TRAPPC12: variants seen among roughly 807,000 people sequenced by gnomAD.
TRAPPC12 encodes the protein TPR repeat protein 15.
A neutral mutation model predicts 69.2 loss-of-function variants in TRAPPC12; 61 were observed. The ratio of observed to expected loss-of-function variants is 0.88; its 90% CI spans 0.72 to 1.09. The LOEUF (loss-of-function observed/expected upper bound fraction) is 1.09, where lower values mean the gene tolerates loss of function less well. Among genes scored for constraint, TRAPPC12 ranks in the 50% least tolerant of loss-of-function variants. The pLI, the probability that TRAPPC12 is intolerant of heterozygous loss-of-function variation, is 0.00. For synonymous variants in TRAPPC12, 469 were observed against 438.9 expected, an observed-to-expected ratio of 1.07 and a Z score of -0.86; for missense variants, 1,101 against 1,016.4, an observed-to-expected ratio of 1.08 and a Z score of -1.13.
intron 1 of TRAPPC12, among the ~76,000 whole-genome samples, chr2:3,383,253 T>C (rs1660307533): frequency 6.6e-6 from 1 of 152,220 alleles, no homozygotes; most frequent in Non-Finnish European, 1.5e-5. Flanking sequence ...CTTTCCATTT[T>C]AATATAGCAG....
At chr2:3,478,650 T>A in intron 10 of TRAPPC12, 196 bp from the exon 11 acceptor site, 5 of 531,286 alleles carry the variant, frequency 9.4e-6, no homozygotes, top group Non-Finnish European at 1.7e-5. Flanking sequence ...TAAAAATAAA[T>A]AAAAACTAGA....
At chr2:3,466,409 C>T (rs767012654) in intron 9 of TRAPPC12, 40 of 470,920 alleles carry the variant, frequency 8.5e-5, no homozygotes, top group Admixed American at 2.8e-4. Flanking sequence ...CCAGGCCCTG[C>T]GCTGAGCATT....
intron 8 of TRAPPC12, among the ~76,000 whole-genome samples, chr2:3,464,140 ACACACACACATGCT>A (rs1356194981): frequency 2.0e-5 from 3 of 150,876 alleles, no homozygotes; most frequent in Non-Finnish European, 4.4e-5. Context: ...ACACACGTCC[ACACACACACATGCT>A]CACACACACG....
At chr2:3,400,519 A>G (rs1193270278) in intron 2 of TRAPPC12, among the ~76,000 whole-genome samples, 5 of 151,980 alleles carry the variant, frequency 3.3e-5, no homozygotes, top group African/African-American at 1.2e-4. Flanking sequence ...GCCCCTTCCC[A>G]GGTGCCTTTC....
chr2:3,428,606 C>T (rs1164990920), intron 5 of TRAPPC12, among the ~76,000 whole-genome samples: 2 of 152,158 alleles, frequency 1.3e-5, no homozygotes, highest in African/African-American at 4.8e-5. Context: ...AAAATTCATC[C>T]AAGAAAGGAA....
chr2:3,427,162 G>A (rs186166208), intron 5 of TRAPPC12, among the ~76,000 whole-genome samples: 67 of 152,222 alleles, frequency 4.4e-4, no homozygotes, highest in African/African-American at 1.5e-3. Context: ...TTTCTTACAC[G>A]GATCAGCCTT....
chr2:3,388,526 C>T lies in TRAPPC12; in HGVS notation c.903C>T (p.Ser301=), dbSNP rs753525355. ...DDPFATALSM[S]EMDRRNDAWL... ...CCTTTGCCACCGCCCTGAGCATGAG[C>T]GAGATGGACCGGAGGAACGACGCCT... is the stretch of plus-strand genomic sequence containing the variant. The change falls in exon 2 of 12, where the codon AGC becomes AGT. Residue 301 remains serine, a synonymous_variant. Coordinates refer to ENST00000324266, the MANE Select transcript of TRAPPC12 (RefSeq NM_016030.6). 2.5e-6 allele frequency: 4 copies of T among 1,613,058 alleles called. No homozygotes were observed. In the Admixed American group the frequency reaches 5.0e-5, roughly 20 times the overall value.
intron 3 of TRAPPC12, among the ~76,000 whole-genome samples, chr2:3,402,451 T>C (rs2103471139): frequency 6.6e-6 from 1 of 152,162 alleles, no homozygotes; most frequent in Middle Eastern, 3.4e-3. Flanking sequence ...TAGCTGGGCA[T>C]GGTGGTGCGT....
chr2:3,477,413 C>G (rs1666341504), intron 9 of TRAPPC12, among the ~76,000 whole-genome samples: 5 of 152,152 alleles, frequency 3.3e-5, no homozygotes, highest in African/African-American at 7.2e-5. Flanking sequence ...TAATGCTCTG[C>G]CAGAATTCAT....
rs1217567430 is a variant in TRAPPC12, at chr2:3,388,112, C to T, written c.489C>T (p.Phe163=). The T allele has an allele frequency of 3.2e-6, 5 of 1,569,494 alleles. No homozygotes were observed. The highest frequency in any genetic ancestry group is 1.4e-5 in the African/African-American group (1 of 73,384). ...VAEPVPVCTI[F]SQRAPPASGD... ...AGCCGGTCCCGGTGTGCACCATCTT[C>T]AGCCAGCGCGCGCCCCCAGCCTCCG... The change falls in exon 2 of 12, where the codon TTC becomes TTT. Residue 163 remains phenylalanine (F), a synonymous_variant. Coordinates refer to ENST00000324266, the MANE Select transcript of TRAPPC12 (RefSeq NM_016030.6).
intron 2 of TRAPPC12, among the ~76,000 whole-genome samples, chr2:3,399,308 G>A (rs994323954): frequency 1.1e-4 from 17 of 152,158 alleles, no homozygotes; most frequent in African/African-American, 2.9e-4. Context: ...TACCCAGCTC[G>A]CTGCCCCCCT....
intron 2 of TRAPPC12, among the ~76,000 whole-genome samples, chr2:3,393,475 G>C (rs758541304): frequency 6.6e-6 from 1 of 151,988 alleles, no homozygotes; most frequent in Non-Finnish European, 1.5e-5. Flanking sequence ...TTTGATGAGA[G>C]CAGATTTTAA....
chr2:3,464,297 C>T (rs979991070), intron 8 of TRAPPC12, among the ~76,000 whole-genome samples: 10 of 152,150 alleles, frequency 6.6e-5, no homozygotes, highest in African/African-American at 9.7e-5. Context: ...TCGTCATGGG[C>T]GTCAGGCCTT....
At chr2:3,420,013 T>G (rs1439704004) in intron 3 of TRAPPC12, among the ~76,000 whole-genome samples, 1 of 152,198 alleles carries the variant, frequency 6.6e-6, no homozygotes, top group East Asian at 1.9e-4. Flanking sequence ...TGCATTACGC[T>G]CCTGGATATT....
chr2:3,470,469 C>T (rs1209535701), intron 9 of TRAPPC12, among the ~76,000 whole-genome samples: 1 of 152,254 alleles, frequency 6.6e-6, no homozygotes, highest in Non-Finnish European at 1.5e-5. Flanking sequence ...ATCACCCTCT[C>T]AGCTGATAGT....
At chr2:3,387,144 A>C (rs1309913231) in intron 1 of TRAPPC12, among the ~76,000 whole-genome samples, 2 of 152,234 alleles carry the variant, frequency 1.3e-5, no homozygotes, top group Non-Finnish European at 2.9e-5. Context: ...TCAACAACAG[A>C]TAGCTGGATA....
Position 3,477,706 on chromosome 2 carries a change from A to G in TRAPPC12, c.1788A>G (p.Ile596Met), listed in dbSNP as rs771530121. The change falls in exon 10 of 12, where the codon ATA becomes ATG. Residue 596 changes from isoleucine to methionine, a missense_variant. Transcript: ENST00000324266. ...IGRISLQIGD[I>M]KTAEKYFQDV... The stretch of plus-strand genomic sequence containing the variant: ...TTTTGTCAAAGCAGATTGGAGACAT[A>G]AAAACAGCTGAAAAGTATTTTCAAG... 9 of 1,606,148 alleles carry G rather than the reference A, an allele frequency of 5.6e-6. No individual in the cohort carries two copies. Among genetic ancestry groups the G allele is most frequent in the Non-Finnish European group, 6.8e-6 (8 of 1,176,842 alleles).
chr2:3,456,194 C>G (rs1665141407), intron 6 of TRAPPC12: 1 of 152,210 alleles, frequency 6.6e-6, no homozygotes, highest in African/African-American at 2.4e-5. Context: ...AGGAAACATC[C>G]TTTGTGTTGG....
intron 7 of TRAPPC12, among the ~76,000 whole-genome samples, chr2:3,459,339 G>A (rs537065722): frequency 2.0e-5 from 3 of 152,370 alleles, no homozygotes; most frequent in East Asian, 1.9e-4. Context: ...AGATGGAAGC[G>A]TCCCTGGCCT....
Sources: gnomAD v4.1 joint callset for allele counts (sites outside exome capture counted in the v4.1 genomes callset) on GRCh38, gnomAD v4.1.1 for gene constraint, MANE v1.5 for transcripts, NCBI Gene and HGNC (gene_info 2026-07-23, HGNC 2026-07-21) for gene names.